Variants in DSCAM observed in about 807,000 individuals in gnomAD.
The protein encoded by DSCAM is cell adhesion molecule DSCAM.
Under a neutral mutation model 217.7 loss-of-function variants are expected in DSCAM, and 47 were observed. That is an observed-to-expected ratio of 0.22 (90% confidence interval 0.17 to 0.28). DSCAM has a LOEUF of 0.28. Among genes scored for constraint, DSCAM ranks in the 10% least tolerant of loss-of-function variants. The pLI is 1.00. For synonymous variants in DSCAM, 1,056 were observed against 1,015.3 expected, an observed-to-expected ratio of 1.04 and a Z score of -0.76; for missense variants, 2,080 against 2,618.3, an observed-to-expected ratio of 0.79 and a Z score of 4.49.
chr21:40,791,900 C>T (rs1445038984), intron 1 of DSCAM, among the ~76,000 whole-genome samples: 3 of 152,058 alleles, frequency 2.0e-5, no homozygotes, highest in Non-Finnish European at 4.4e-5. Flanking sequence ...TGCTTCCTCA[C>T]GATTTCAGGA....
intron 32 of DSCAM, among the ~76,000 whole-genome samples, chr21:40,028,498 G>C (rs145974625): frequency 6.6e-6 from 1 of 151,812 alleles, no homozygotes; most frequent in Admixed American, 6.6e-5. Context: ...AGCAATCAGC[G>C]AGACTCCATG....
chr21:40,204,338 T>C (rs1007216236), intron 11 of DSCAM, among the ~76,000 whole-genome samples: 6 of 152,226 alleles, frequency 3.9e-5, no homozygotes, highest in African/African-American at 1.4e-4. Flanking sequence ...CATACCTGCC[T>C]GGGTGTCTGC....
At chr21:40,147,065 A>C (rs1318622560) in intron 16 of DSCAM, among the ~76,000 whole-genome samples, 1 of 152,220 alleles carries the variant, frequency 6.6e-6, no homozygotes, top group Non-Finnish European at 1.5e-5. Context: ...ATAAAATAAT[A>C]TTATTTTTTA....
chr21:40,206,389 G>A (rs1319149069), intron 11 of DSCAM, among the ~76,000 whole-genome samples: 4 of 152,112 alleles, frequency 2.6e-5, no homozygotes, highest in South Asian at 2.1e-4. Context: ...GTTAGCACAC[G>A]GGGGTAGGCC....
rs73904707 is a variant in DSCAM at position 40,136,613 on chromosome 21, A to T, written c.3407-2604T>A. Among the ~76,000 whole-genome samples the T allele has an allele frequency of 9.4e-3, 1,431 of 152,320 alleles. 21 individuals are homozygous for T. The highest frequency in any genetic ancestry group is 0.033 in the African/African-American group (1,374 of 41,558). ...CCTCCCTACAGATATATACACACGC[A>T]ATCAATAAAAATACAGCTGAGGGGA... On this transcript the variant is annotated intron_variant, in intron 18 of 32. Transcript: ENST00000400454.
intron 11 of DSCAM, among the ~76,000 whole-genome samples, chr21:40,240,842 G>A (rs1437834575): frequency 6.6e-6 from 1 of 152,088 alleles, no homozygotes; most frequent in African/African-American, 2.4e-5. Flanking sequence ...AGCTTCTTGG[G>A]TGCAGAGATC....
At chr21:40,362,330 G>A in intron 4 of DSCAM, among the ~76,000 whole-genome samples, 1 of 152,092 alleles carries the variant, frequency 6.6e-6, no homozygotes. Flanking sequence ...TGCTGAATTT[G>A]CTTGTCCATG....
At chr21:40,405,998 A>T (rs2123786030) in intron 3 of DSCAM, among the ~76,000 whole-genome samples, 1 of 152,340 alleles carries the variant, frequency 6.6e-6, no homozygotes, top group East Asian at 1.9e-4. Context: ...CTCTGTCTCA[A>T]CAACAACAAA....
chr21:40,379,558 G>A (rs1358504028), intron 3 of DSCAM, among the ~76,000 whole-genome samples: 1 of 152,140 alleles, frequency 6.6e-6, no homozygotes, highest in Non-Finnish European at 1.5e-5. Context: ...AATCTGCCAT[G>A]TAGCTGATCT....
chr21:40,684,179 C>A (rs967445234), intron 3 of DSCAM, among the ~76,000 whole-genome samples: 1 of 151,506 alleles, frequency 6.6e-6, no homozygotes, highest in Non-Finnish European at 1.5e-5. Flanking sequence ...GAGCCGAGAT[C>A]GCGTCACTGC....
intron 11 of DSCAM, among the ~76,000 whole-genome samples, chr21:40,218,424 C>T (rs556616517): frequency 3.4e-4 from 51 of 152,236 alleles, no homozygotes; most frequent in Admixed American, 1.6e-3. Context: ...AGTTGGGTAA[C>T]GCGATGCTTC....
intron 8 of DSCAM, 118 bp downstream of exon 8, chr21:40,337,983 T>C (rs2074445544): frequency 1.6e-6 from 2 of 1,270,364 alleles, no homozygotes; most frequent in African/African-American, 3.0e-5. Flanking sequence ...TTCTTCAGCC[T>C]GTACAATTAT....
intron 3 of DSCAM, among the ~76,000 whole-genome samples, chr21:40,495,550 T>C (rs1007159459): frequency 1.3e-5 from 2 of 152,208 alleles, no homozygotes; most frequent in African/African-American, 4.8e-5. Context: ...ATAAAGGGCA[T>C]ATGTGACAAA....
In DSCAM at chr21:40,099,261, G is replaced by C. The variant is rs181266606; in HGVS notation, c.3697-5387C>G. On this transcript the variant is annotated intron_variant, in intron 20 of 32. Coordinates refer to ENST00000400454, the MANE Select transcript of DSCAM (RefSeq NM_001389.5). ...CTTTAATTTTTGCCTGTAACATAAT[G>C]CATGGCTAAAATCAACAATAAAATA... is the stretch of plus-strand genomic sequence containing the variant. Among the ~76,000 whole-genome samples the C allele has an allele frequency of 3.0e-3, 451 of 152,260 alleles. 1 individual carries two copies. Among genetic ancestry groups the C allele is most frequent in the African/African-American group, 0.01 (417 of 41,544 alleles).
At chr21:40,070,582 C>T (rs1199142605) in intron 27 of DSCAM, among the ~76,000 whole-genome samples, 1 of 152,172 alleles carries the variant, frequency 6.6e-6, no homozygotes, top group Non-Finnish European at 1.5e-5. Context: ...GGGCTTCCCA[C>T]ATTCAGGGTG....
At chr21:40,470,548 G>A (rs1476780768) in intron 3 of DSCAM, among the ~76,000 whole-genome samples, 1 of 152,180 alleles carries the variant, frequency 6.6e-6, no homozygotes, top group Non-Finnish European at 1.5e-5. Flanking sequence ...TGCACCTGAA[G>A]TGTTTTGTTT....
intron 3 of DSCAM, among the ~76,000 whole-genome samples, chr21:40,596,154 C>G (rs768638596): frequency 6.6e-6 from 1 of 152,218 alleles, no homozygotes; most frequent in Non-Finnish European, 1.5e-5. Context: ...CTAATATCGT[C>G]ACATCAACAC....
At chr21:40,156,315 GA>G (rs1253315244) in intron 16 of DSCAM, among the ~76,000 whole-genome samples, 1 of 148,512 alleles carries the variant, frequency 6.7e-6, no homozygotes, top group Non-Finnish European at 1.5e-5. Context: ...GAGAGAGAGA[GA>G]GAGAGAGAGA....
chr21:40,303,045 T>C (rs1010697030), intron 9 of DSCAM, among the ~76,000 whole-genome samples: 2 of 152,110 alleles, frequency 1.3e-5, no homozygotes, highest in Admixed American at 1.3e-4. Context: ...TGGGCAGAAA[T>C]TCAGTTTTAA....
Sources: allele counts gnomAD v4.1 joint callset (sites outside exome capture counted in the v4.1 genomes callset), GRCh38; gene constraint gnomAD v4.1.1; transcripts MANE v1.5; gene names NCBI Gene and HGNC (gene_info 2026-07-23, HGNC 2026-07-21).